The following ZMIZ1 variants were observed in gnomAD, a reference collection of about 807,000 sequenced individuals.
The protein encoded by ZMIZ1 is zinc finger MIZ-type containing 1.
Under a neutral mutation model 113.9 loss-of-function variants are expected in ZMIZ1, and 17 were observed. That is an observed-to-expected ratio of 0.15 (90% CI 0.10 to 0.22). The LOEUF is 0.22. Ranked by LOEUF, ZMIZ1 falls within the 10% of genes least tolerant of loss-of-function variation. ZMIZ1 has a pLI of 1.00. For synonymous variants in ZMIZ1, 607 were observed against 603.1 expected (o/e 1.01, Z -0.09); for missense variants, 1,059 against 1,477.8 (o/e 0.72, Z 4.65).
At position 79,316,228 on chromosome 10, in the gene ZMIZ1, T is replaced by G. The variant is rs1855525681; in HGVS notation, c.*3479T>G. On this transcript the variant is annotated 3_prime_UTR_variant, in exon 25 of 25. Coordinates refer to ENST00000334512, the MANE Select transcript of ZMIZ1 (RefSeq NM_020338.4). Reference sequence around the variant, plus strand: ...AACTCCCACAGAAACCATCATCGTCTTTGTACATCGTATGTACAATGCAAT... The same window carrying G: ...AACTCCCACAGAAACCATCATCGTCGTTGTACATCGTATGTACAATGCAAT... 6.6e-6 allele frequency: 1 copy of G among 152,614 alleles called. No individual in the cohort carries two copies. Among genetic ancestry groups the G allele is most frequent in the Non-Finnish European group, 1.5e-5 (1 of 68,048 alleles). 9.5% of individuals were successfully genotyped at this position (152,614 alleles called of 1,614,324 possible). A position where few individuals can be genotyped will look rare whatever the true frequency, so the allele number is the denominator to read the frequency against.
chr10:79,214,726 C>T (rs1272017311), intron 6 of ZMIZ1, among the ~76,000 whole-genome samples: 2 of 152,184 alleles, frequency 1.3e-5, no homozygotes, highest in African/African-American at 4.8e-5. Context: ...TCAGAAGTAC[C>T]AGCCTACCAC....
intron 7 of ZMIZ1, among the ~76,000 whole-genome samples, chr10:79,218,584 G>GGTGT (rs55736085): frequency 0.17 from 25,440 of 147,820 alleles, 2,627 homozygotes; most frequent in Non-Finnish European, 0.25. Context: ...TAATTAGAGG[G>GGTGT]GTGTGTGTGT....
At chr10:79,148,963 C>A (rs1845604738) in intron 3 of ZMIZ1, among the ~76,000 whole-genome samples, 1 of 152,228 alleles carries the variant, frequency 6.6e-6, no homozygotes, top group African/African-American at 2.4e-5. Context: ...GTAATCTGGA[C>A]AAGTCATCAG....
At chr10:79,197,625 C>T (rs899084749) in intron 4 of ZMIZ1, among the ~76,000 whole-genome samples, 5 of 150,326 alleles carry the variant, frequency 3.3e-5, no homozygotes, top group Admixed American at 1.3e-4. Flanking sequence ...CACACACACA[C>T]ACACACACAC....
At chr10:79,215,762 G>C (rs1269966346) in intron 6 of ZMIZ1, among the ~76,000 whole-genome samples, 1 of 152,080 alleles carries the variant, frequency 6.6e-6, no homozygotes, top group Non-Finnish European at 1.5e-5. Flanking sequence ...AGGGGTGGGG[G>C]AGTTCCTGAG....
chr10:79,089,879 A>AC (rs1173683809), intron 1 of ZMIZ1, among the ~76,000 whole-genome samples: 2 of 151,594 alleles, frequency 1.3e-5, no homozygotes, highest in Non-Finnish European at 2.9e-5. Context: ...AAGGGAGGGG[A>AC]CAGGTTGTAG....
At chr10:79,177,776 T>C (rs572859350) in intron 4 of ZMIZ1, among the ~76,000 whole-genome samples, 3 of 152,294 alleles carry the variant, frequency 2.0e-5, no homozygotes, top group East Asian at 1.9e-4. Flanking sequence ...TTTTTCCTTA[T>C]TGTAAAGTAT....
chr10:79,309,454 C>T (rs1854965477), intron 23 of ZMIZ1, among the ~76,000 whole-genome samples: 1 of 152,184 alleles, frequency 6.6e-6, no homozygotes, highest in Non-Finnish European at 1.5e-5. Context: ...GGGTGGTGGC[C>T]CATTCCTCCA....
At chr10:79,112,464 G>T (rs1002220680) in intron 1 of ZMIZ1, among the ~76,000 whole-genome samples, 1 of 152,192 alleles carries the variant, frequency 6.6e-6, no homozygotes, top group South Asian at 2.1e-4. Context: ...AGAGGTGTTG[G>T]GGTAGGCTTC....
At chr10:79,108,983 C>T (rs543430405) in intron 1 of ZMIZ1, among the ~76,000 whole-genome samples, 1 of 152,272 alleles carries the variant, frequency 6.6e-6, no homozygotes, top group East Asian at 1.9e-4. Context: ...AGGCTGTCCA[C>T]ATCCCTGCCC....
chr10:79,133,985 C>A (rs117034212), intron 2 of ZMIZ1, among the ~76,000 whole-genome samples: 438 of 152,282 alleles, frequency 2.9e-3, no homozygotes, highest in Middle Eastern at 0.01. Context: ...TATATTTGTT[C>A]TATGTAAAGA....
chr10:79,297,547 G>C lies in ZMIZ1; in HGVS notation c.1414-66G>C. 2.9e-6 allele frequency: 4 copies of C among 1,396,366 alleles called. No individual in the cohort carries two copies. In the South Asian group the frequency reaches 4.6e-5, roughly 16 times the overall value. The allele number at this position is 1,396,366 out of a possible 1,614,324, so 86.5% of individuals were successfully genotyped here. A position where few individuals can be genotyped will look rare whatever the true frequency, so the allele number is the denominator to read the frequency against. On this transcript the variant is annotated intron_variant, in intron 13 of 24. Coordinates refer to ENST00000334512, the MANE Select transcript of ZMIZ1 (RefSeq NM_020338.4). ...TGCTCCTGGTAGATTTTACTGTCCA[G>C]AGGGAGAGCGGGCTTCTGATGGCTT...
rs1274986560 is a variant in ZMIZ1 at position 79,314,303 on chromosome 10, C to T, written c.*1554C>T. 5 of 454,824 alleles carry T rather than the reference C, an allele frequency of 1.1e-5. No homozygotes were observed. Among genetic ancestry groups the T allele is most frequent in the Non-Finnish European group, 2.2e-5 (5 of 225,538 alleles). 28.2% of individuals were successfully genotyped at this position (454,824 alleles called of 1,614,324 possible). Reference sequence around the variant, plus strand: ...TGGGGTCCCATCTGTAAATTCTTTGCGCCCTTCCCGGCTGCTGCCTGGGGC... The same window carrying T: ...TGGGGTCCCATCTGTAAATTCTTTGTGCCCTTCCCGGCTGCTGCCTGGGGC... On this transcript the variant is annotated 3_prime_UTR_variant, in exon 25 of 25. Transcript: ENST00000334512.
chr10:79,274,570 G>C (rs1852150329), intron 7 of ZMIZ1, among the ~76,000 whole-genome samples: 1 of 152,222 alleles, frequency 6.6e-6, no homozygotes, highest in African/African-American at 2.4e-5. Context: ...AACTTGTGTT[G>C]GTTTGCACCA....
chr10:79,200,199 C>T (rs540169465), intron 4 of ZMIZ1, among the ~76,000 whole-genome samples: 9 of 152,314 alleles, frequency 5.9e-5, no homozygotes, highest in Non-Finnish European at 1.2e-4. Flanking sequence ...GTCTCCTGTC[C>T]AGCACCCTGG....
At chr10:79,254,859 C>T (rs907545688) in intron 7 of ZMIZ1, among the ~76,000 whole-genome samples, 10 of 152,230 alleles carry the variant, frequency 6.6e-5, no homozygotes, top group African/African-American at 1.4e-4. Context: ...TCACCGCAGT[C>T]GTGATTTTCA....
At chr10:79,271,736 G>A (rs913540682) in intron 7 of ZMIZ1, among the ~76,000 whole-genome samples, 1 of 152,210 alleles carries the variant, frequency 6.6e-6, no homozygotes, top group African/African-American at 2.4e-5. Flanking sequence ...GAGCCTTAAA[G>A]AAGTGCAAGT....
chr10:79,167,955 A>G (rs1445387603), intron 4 of ZMIZ1, among the ~76,000 whole-genome samples: 1 of 152,144 alleles, frequency 6.6e-6, no homozygotes, highest in East Asian at 1.9e-4. Flanking sequence ...CTCCAAGGCT[A>G]GGAGGGAGAA....
At position 79,093,135 on chromosome 10, in the gene ZMIZ1, A is replaced by AACACACAC. The variant is rs5786379; in HGVS notation, c.-337+23899_-337+23906dup. 2.5e-3 allele frequency among the ~76,000 whole-genome samples: 270 copies of AACACACAC among 107,984 alleles called. 2 individuals carry two copies. The highest frequency in any genetic ancestry group is 2.9e-3 in the African/African-American group (83 of 28,752). 70.8% of individuals were successfully genotyped at this position (107,984 alleles called of 152,430 possible). ...TCTTTCTACCACCCCCCCCACCCCC[A>AACACACAC]ACACACACACACACACACACACACA... On this transcript the variant is annotated intron_variant, in intron 1 of 24. Coordinates refer to ENST00000334512, the MANE Select transcript of ZMIZ1 (RefSeq NM_020338.4).
Sources: allele counts gnomAD v4.1 joint callset (sites outside exome capture counted in the v4.1 genomes callset), GRCh38; gene constraint gnomAD v4.1.1; transcripts MANE v1.5; gene names NCBI Gene and HGNC (gene_info 2026-07-23, HGNC 2026-07-21).